ADRM1: variants seen among roughly 807,000 people sequenced by gnomAD.
The protein encoded by ADRM1 is ADRM1 26S proteasome ubiquitin receptor, also known as proteasomal ubiquitin receptor ADRM1.
ADRM1 carries 2 observed loss-of-function variants against 40.1 expected under a neutral mutation model. The ratio of observed to expected loss-of-function variants is 0.05; its 90% CI spans 0.02 to 0.16. ADRM1 has a LOEUF of 0.16. Ranked by LOEUF, ADRM1 falls within the 10% of genes least tolerant of loss-of-function variation. The pLI, the probability that ADRM1 is intolerant of heterozygous loss-of-function variation, is 1.00. For missense variants in ADRM1, 467 were observed against 552.5 expected (o/e 0.85, Z 1.55); for synonymous variants, 287 against 240.4 (o/e 1.19, Z -1.79).
chr20:62,308,258 C>G, intron 8 of ADRM1, 80 bp downstream of exon 8: 6 of 1,539,298 alleles, frequency 3.9e-6, no homozygotes, highest in Non-Finnish European at 5.3e-6. Flanking sequence ...GCCCCACCTT[C>G]ACCATGGCCA....
intron 3 of ADRM1, 35 bp downstream of exon 3, chr20:62,304,612 T>G (rs1601230912): frequency 6.3e-7 from 1 of 1,594,190 alleles, no homozygotes; most frequent in East Asian, 2.2e-5. Flanking sequence ...GCCTTTTTGT[T>G]GCCCTGCGAT....
In ADRM1 at chr20:62,303,727, C is replaced by T. The variant is rs115562292; in HGVS notation, c.159C>T (p.Asp53=). Residue 53 remains aspartate (D), a synonymous_variant, in exon 2 of 10, where the codon GAC becomes GAT. Coordinates refer to ENST00000253003, the MANE Select transcript of ADRM1 (RefSeq NM_007002.4). Reference sequence around the variant, plus strand: ...GGCTGGTGTACATTCAGCAGACGGACGACTCGCTTATTCACTTCTGCTGGA... The same window carrying T: ...GGCTGGTGTACATTCAGCAGACGGATGACTCGCTTATTCACTTCTGCTGGA... ...RKGLVYIQQT[D]DSLIHFCWKD... 58 of 1,612,252 alleles carry T rather than the reference C, an allele frequency of 3.6e-5. 1 individual carries two copies. The highest frequency in any genetic ancestry group is 4.5e-5 in the Non-Finnish European group (53 of 1,179,984).
At chr20:62,304,343 G>A (rs576444819) in intron 2 of ADRM1, 118 bp from the exon 3 acceptor site, 22 of 778,954 alleles carry the variant, frequency 2.8e-5, no homozygotes, top group Non-Finnish European at 4.5e-5. Flanking sequence ...GGGGTCTGGC[G>A]GCTTAGCTGC....
At chr20:62,306,984 G>A (rs1405970626) in intron 5 of ADRM1, among the ~76,000 whole-genome samples, 1 of 152,172 alleles carries the variant, frequency 6.6e-6, no homozygotes, top group Non-Finnish European at 1.5e-5. Flanking sequence ...GAGCGGTGGG[G>A]CTGGAGGACT....
At chr20:62,305,439 C>A (rs956865190) in intron 3 of ADRM1, 1 of 152,262 alleles carries the variant, frequency 6.6e-6, no homozygotes, top group African/African-American at 2.4e-5. Flanking sequence ...AGCCAAACTC[C>A]AGTTAAACTT....
rs1463255663 is a variant in ADRM1, at chr20:62,306,136, C to T, written c.331-61C>T. On this transcript the variant is annotated intron_variant, in intron 3 of 9. Coordinates refer to ENST00000253003, the MANE Select transcript of ADRM1 (RefSeq NM_007002.4). The stretch of plus-strand genomic sequence containing the variant: ...ACCTGGAAGCCAGGTCAGAGGATGG[C>T]TGTGGTGGCCCTGGGTGAGCTGGCG... 4.5e-6 allele frequency: 7 copies of T among 1,571,838 alleles called. No individual in the cohort carries two copies. The African/African-American group carries it at 8.1e-5, about 18-fold the overall frequency.
chr20:62,306,331 CA>C lies in ADRM1; in HGVS notation c.454+12del, dbSNP rs1248663350. The C allele has an allele frequency of 1.2e-6, 2 of 1,612,710 alleles. No individual in the cohort carries two copies. The highest frequency in any genetic ancestry group is 4.5e-5 in the East Asian group (2 of 44,880). ...TCTCTGCGCTAGGCGGTAACTGTCA[CA>C]TGTGTCACGTGAGCTCAGGGTTTCC... On this transcript the variant is annotated intron_variant, in intron 4 of 9. Coordinates refer to ENST00000253003, the MANE Select transcript of ADRM1 (RefSeq NM_007002.4).
intron 1 of ADRM1, 114 bp from the exon 2 acceptor site, chr20:62,303,454 C>G: frequency 9.1e-7 from 1 of 1,104,006 alleles, no homozygotes; most frequent in South Asian, 1.5e-5. Flanking sequence ...CTGAGTCTGC[C>G]TTAGGCAGCT....
intron 3 of ADRM1, among the ~76,000 whole-genome samples, chr20:62,305,088 C>T (rs1313359553): frequency 3.3e-5 from 5 of 152,234 alleles, no homozygotes; most frequent in Admixed American, 6.5e-5. Flanking sequence ...GCTCATTCTG[C>T]CATCTGTCAG....
At position 62,305,865 on chromosome 20, in the gene ADRM1, C is replaced by G. The variant is rs570166724; in HGVS notation, c.331-332C>G. The G allele has an allele frequency of 1.1e-4, 35 of 305,428 alleles. No individual in the cohort carries two copies. The East Asian group carries it at 2.4e-3, about 21-fold the overall frequency. 18.9% of individuals were successfully genotyped at this position (305,428 alleles called of 1,614,324 possible). A position where few individuals can be genotyped will look rare whatever the true frequency, so the allele number is the denominator to read the frequency against. ...GGAGACGGGTGTGTAAAGAACCGCACCCCAGAGGGCAGGAGGGTGAGAGGG... is the reference window on the plus strand; with the variant it reads ...GGAGACGGGTGTGTAAAGAACCGCAGCCCAGAGGGCAGGAGGGTGAGAGGG... On this transcript the variant is annotated intron_variant, in intron 3 of 9. Coordinates refer to ENST00000253003, the MANE Select transcript of ADRM1 (RefSeq NM_007002.4).
At chr20:62,304,616 C>T (rs771574840) in intron 3 of ADRM1, 39 bp downstream of exon 3, 13 of 1,589,524 alleles carry the variant, frequency 8.2e-6, no homozygotes, top group South Asian at 6.6e-5. Context: ...TTTTGTTGCC[C>T]TGCGATTCGG....
intron 5 of ADRM1, 150 bp from the exon 6 acceptor site, chr20:62,307,221 C>T (rs2427277): frequency 0.97 from 675,810 of 699,270 alleles, 327,080 homozygotes; most frequent in South Asian, 0.99. Flanking sequence ...ACCCGCCCCA[C>T]GCCGCTCCTC....
intron 3 of ADRM1, 168 bp from the exon 4 acceptor site, chr20:62,306,029 C>T (rs1052668195): frequency 1.1e-5 from 9 of 837,822 alleles, no homozygotes; most frequent in African/African-American, 6.9e-5. Context: ...GCGCCACTGC[C>T]GTCCCCTCAC....
At chr20:62,307,534 C>G (rs1465032361) in intron 6 of ADRM1, 62 bp from the exon 7 acceptor site, 3 of 1,599,106 alleles carry the variant, frequency 1.9e-6, no homozygotes, top group Middle Eastern at 1.7e-4. Context: ...CACCCTGGAC[C>G]CTGCGAGTAG....
rs1201045538 is a variant in ADRM1 at position 62,308,684 on chromosome 20, A to G, written c.1147A>G (p.Asn383Asp). Residue 383 changes from asparagine to aspartate, a missense_variant, in exon 10 of 10, where the codon AAC becomes GAC. Asn to Asp is a conservative substitution (Grantham distance 23). This residue lies in a region of ADRM1 where 418 missense variants were observed against 474.6 expected (regional missense o/e 0.88). Coordinates refer to ENST00000253003, the MANE Select transcript of ADRM1 (RefSeq NM_007002.4). ...GGAAGCGTTTGCCAAAGCCATGCAG[A>G]ACAACGCCAAGCCCGAGCAGAAAGA... ...DVEAFAKAMQ[N>D]NAKPEQKEGD... 1 of 1,612,840 alleles carries G rather than the reference A, an allele frequency of 6.2e-7. No homozygotes were observed. Among genetic ancestry groups the G allele is most frequent in the Non-Finnish European group, 8.5e-7 (1 of 1,179,914 alleles).
At chr20:62,305,738 A>G (rs1335854169) in intron 3 of ADRM1, 4 of 183,430 alleles carry the variant, frequency 2.2e-5, no homozygotes, top group Admixed American at 5.4e-5. Context: ...ATCTGTGCAC[A>G]TGTGTGTGCA....
At chr20:62,303,466 TG>T in intron 1 of ADRM1, 101 bp from the exon 2 acceptor site, 1 of 1,238,636 alleles carries the variant, frequency 8.1e-7, no homozygotes, top group African/African-American at 1.5e-5. Flanking sequence ...TAGGCAGCTC[TG>T]GGCGCAGGCC....
intron 3 of ADRM1, 165 bp from the exon 4 acceptor site, chr20:62,306,032 C>T (rs1426662424): frequency 4.6e-6 from 4 of 871,900 alleles, no homozygotes; most frequent in Non-Finnish European, 5.1e-6. Context: ...CCACTGCCGT[C>T]CCCTCACCTG....
rs1330030888 is a variant in ADRM1 at position 62,306,615 on chromosome 20, G to C, written c.455-33G>C. 9 of 1,578,184 alleles carry C rather than the reference G, an allele frequency of 5.7e-6. No individual in the cohort carries two copies. The South Asian group carries it at 8.0e-5, about 14-fold the overall frequency. On this transcript the variant is annotated intron_variant, in intron 4 of 9. Coordinates refer to ENST00000253003, the MANE Select transcript of ADRM1 (RefSeq NM_007002.4). ...GGTGGGGCCCGCGTGGATCTGGCTG[G>C]GGCAGGCCCGCCTGAGCTGCAGTGT... is the stretch of plus-strand genomic sequence containing the variant.
Sources: gnomAD v4.1 joint callset for allele counts (sites outside exome capture counted in the v4.1 genomes callset) on GRCh38, gnomAD v4.1.1 for gene constraint, gnomAD v4.1.1 regional missense constraint, MANE v1.5 for transcripts, NCBI Gene and HGNC (gene_info 2026-07-23, HGNC 2026-07-21) for gene names.